Variants in GRXCR1 observed in about 807,000 individuals in gnomAD.
GRXCR1 encodes the protein glutaredoxin domain-containing cysteine-rich protein 1.
A neutral mutation model predicts 27.3 loss-of-function variants in GRXCR1; 27 were observed. The observed-to-expected ratio is 0.99, with a 90% CI of 0.73 to 1.37. The LOEUF (loss-of-function observed/expected upper bound fraction) is 1.37, where lower values mean the gene tolerates loss of function less well. GRXCR1 is among the 40% of genes most tolerant of loss of function. GRXCR1 has a pLI of 0.00. For missense variants in GRXCR1, 379 were observed against 354.4 expected, an observed-to-expected ratio of 1.07 and a Z score of -0.56; for synonymous variants, 122 against 131.1, an observed-to-expected ratio of 0.93 and a Z score of 0.47.
At chr4:42,980,434 T>C (rs1248985400) in intron 2 of GRXCR1, among the ~76,000 whole-genome samples, 4 of 152,038 alleles carry the variant, frequency 2.6e-5, no homozygotes, top group Non-Finnish European at 4.4e-5. Flanking sequence ...AATTTTCCTG[T>C]TTTTGTAAAT....
chr4:42,903,653 A>G (rs1746518991), intron 1 of GRXCR1, among the ~76,000 whole-genome samples: 2 of 147,892 alleles, frequency 1.4e-5, no homozygotes, highest in African/African-American at 2.5e-5. Flanking sequence ...ATACATTTAT[A>G]TATGCCCCTT....
chr4:43,006,662 C>T (rs1375077152), intron 2 of GRXCR1, among the ~76,000 whole-genome samples: 1 of 152,206 alleles, frequency 6.6e-6, no homozygotes, highest in Non-Finnish European at 1.5e-5. Flanking sequence ...ACTTCATTAG[C>T]AATTTTAATT....
chr4:42,897,278 T>C (rs1029250300), intron 1 of GRXCR1, among the ~76,000 whole-genome samples: 2 of 152,052 alleles, frequency 1.3e-5, no homozygotes, highest in Non-Finnish European at 2.9e-5. Flanking sequence ...TAATTTATTC[T>C]TATGAGATTA....
At chr4:42,938,170 T>A (rs75410871) in intron 1 of GRXCR1, among the ~76,000 whole-genome samples, 4,860 of 152,088 alleles carry the variant, frequency 0.032, 90 homozygotes, top group South Asian at 0.058. Flanking sequence ...TGAGTTACAA[T>A]ATGTGAAGCT....
At chr4:42,993,377 G>A (rs183183707) in intron 2 of GRXCR1, among the ~76,000 whole-genome samples, 12 of 151,892 alleles carry the variant, frequency 7.9e-5, no homozygotes, top group East Asian at 1.9e-4. Flanking sequence ...TAGAATTTTC[G>A]CTTTAGCCTC....
intron 3 of GRXCR1, among the ~76,000 whole-genome samples, chr4:43,030,012 A>C (rs986431323): frequency 2.0e-5 from 3 of 152,244 alleles, no homozygotes; most frequent in Non-Finnish European, 4.4e-5. Context: ...GGAAAGTTAA[A>C]GTATTTTCCC....
intron 1 of GRXCR1, among the ~76,000 whole-genome samples, chr4:42,901,930 T>A (rs1362502744): frequency 6.6e-6 from 1 of 152,224 alleles, no homozygotes; most frequent in African/African-American, 2.4e-5. Context: ...TGGTTTGCAT[T>A]GTTGGGCTTG....
intron 1 of GRXCR1, among the ~76,000 whole-genome samples, chr4:42,897,429 G>T (rs1028799960): frequency 6.6e-6 from 1 of 151,958 alleles, no homozygotes; most frequent in African/African-American, 2.4e-5. Flanking sequence ...ATAAATAGGT[G>T]CAAAGAAGGA....
At chr4:42,976,193 C>T (rs1748514316) in intron 2 of GRXCR1, among the ~76,000 whole-genome samples, 2 of 151,940 alleles carry the variant, frequency 1.3e-5, no homozygotes, top group Non-Finnish European at 2.9e-5. Context: ...GACCTCTGCA[C>T]TATAAAAGTA....
chr4:43,004,856 G>A (rs1008541738), intron 2 of GRXCR1, among the ~76,000 whole-genome samples: 1 of 152,188 alleles, frequency 6.6e-6, no homozygotes, highest in Non-Finnish European at 1.5e-5. Flanking sequence ...TGTGGACATG[G>A]ACGTTTGAGT....
At chr4:42,943,162 C>A (rs1053147763) in intron 1 of GRXCR1, among the ~76,000 whole-genome samples, 2 of 152,074 alleles carry the variant, frequency 1.3e-5, no homozygotes, top group Non-Finnish European at 2.9e-5. Flanking sequence ...TCAGCTTCCA[C>A]CTTTCTAAAA....
chr4:42,992,387 C>T (rs1365221004), intron 2 of GRXCR1, among the ~76,000 whole-genome samples: 9 of 152,104 alleles, frequency 5.9e-5, no homozygotes, highest in Non-Finnish European at 2.9e-5. Flanking sequence ...ACCAAAGTCA[C>T]TCTTCATATT....
intron 1 of GRXCR1, among the ~76,000 whole-genome samples, chr4:42,926,708 T>G (rs1390744459): frequency 6.6e-6 from 1 of 152,014 alleles, no homozygotes; most frequent in East Asian, 1.9e-4. Context: ...TGACTTATGC[T>G]CTAATTGGGG....
intron 1 of GRXCR1, among the ~76,000 whole-genome samples, chr4:42,953,739 G>C (rs1378774680): frequency 6.6e-6 from 1 of 152,082 alleles, no homozygotes; most frequent in Non-Finnish European, 1.5e-5. Flanking sequence ...GAAGACTGTG[G>C]ATTTGGATTT....
chr4:42,936,160 T>C (rs750286423), intron 1 of GRXCR1, among the ~76,000 whole-genome samples: 3 of 151,882 alleles, frequency 2.0e-5, no homozygotes, highest in Non-Finnish European at 4.4e-5. Flanking sequence ...TGTTTCTTTG[T>C]CAAATAATAT....
At position 43,024,302 on chromosome 4, in the gene GRXCR1, C is replaced by T. The variant is rs148085206; in HGVS notation, c.693+3883C>T. On this transcript the variant is annotated intron_variant, in intron 3 of 3. Transcript: ENST00000399770. ...TCATGAAGAACCGAGCAAAGATTCC[C>T]GGCTACACACTTAGTATGTCAAAAA... Among the ~76,000 whole-genome samples, 84 of 144,330 alleles carry T rather than the reference C, an allele frequency of 5.8e-4. 1 individual carries two copies. Among genetic ancestry groups the T allele is most frequent in the African/African-American group, 2.1e-3 (82 of 38,862 alleles). 94.7% of individuals were successfully genotyped at this position (144,330 alleles called of 152,430 possible). A position where few individuals can be genotyped will look rare whatever the true frequency, so the allele number is the denominator to read the frequency against.
At chr4:42,934,577 A>C (rs1329939877) in intron 1 of GRXCR1, among the ~76,000 whole-genome samples, 2 of 151,952 alleles carry the variant, frequency 1.3e-5, no homozygotes, top group Non-Finnish European at 2.9e-5. Context: ...TAGCTAACAG[A>C]ATGCTACACA....
At chr4:42,965,991 ACT>A (rs1167863354) in intron 2 of GRXCR1, among the ~76,000 whole-genome samples, 1 of 151,436 alleles carries the variant, frequency 6.6e-6, no homozygotes, top group Non-Finnish European at 1.5e-5. Flanking sequence ...TTTCCTGATG[ACT>A]CTCTTCCCCA....
intron 1 of GRXCR1, among the ~76,000 whole-genome samples, chr4:42,912,579 T>C (rs1746748287): frequency 6.6e-6 from 1 of 152,204 alleles, no homozygotes; most frequent in African/African-American, 2.4e-5. Context: ...GGTTTGGAGT[T>C]CTGTTCATTA....
Sources: allele counts gnomAD v4.1 joint callset (sites outside exome capture counted in the v4.1 genomes callset), GRCh38; gene constraint gnomAD v4.1.1; transcripts MANE v1.5; gene names NCBI Gene and HGNC (gene_info 2026-07-23, HGNC 2026-07-21).